TNKS: variants seen among roughly 807,000 people sequenced by gnomAD.
TNKS encodes poly [ADP-ribose] polymerase tankyrase-1.
Under a neutral mutation model 135.8 loss-of-function variants are expected in TNKS, and 72 were observed. The observed-to-expected ratio is 0.53, with a 90% CI of 0.44 to 0.64. The LOEUF (loss-of-function observed/expected upper bound fraction) is 0.64, where lower values mean the gene tolerates loss of function less well. Among genes scored for constraint, TNKS ranks in the 30% least tolerant of loss-of-function variants. TNKS has a pLI of 0.00. For missense variants in TNKS, 1,769 were observed against 1,674.0 expected (o/e 1.06, Z -0.99); for synonymous variants, 849 against 649.3 (o/e 1.31, Z -4.68).
chr8:9,650,060 T>C (rs571474200), intron 3 of TNKS, among the ~76,000 whole-genome samples: 1 of 151,704 alleles, frequency 6.6e-6, no homozygotes, highest in African/African-American at 2.4e-5. Context: ...GCCTGGCTAA[T>C]TTTGTATTTT....
chr8:9,637,961 A>G (rs1800574712), intron 3 of TNKS, among the ~76,000 whole-genome samples: 1 of 151,978 alleles, frequency 6.6e-6, no homozygotes, highest in South Asian at 2.1e-4. Context: ...TCTTTTTATT[A>G]TTATTATTTA....
intron 2 of TNKS, among the ~76,000 whole-genome samples, chr8:9,587,516 C>T (rs1046502207): frequency 6.6e-6 from 1 of 151,962 alleles, no homozygotes; most frequent in African/African-American, 2.4e-5. Context: ...TCTCCTGCCT[C>T]AGCCTCCTGA....
intron 2 of TNKS, among the ~76,000 whole-genome samples, chr8:9,583,881 G>A (rs1467006501): frequency 6.6e-6 from 1 of 151,800 alleles, no homozygotes; most frequent in Non-Finnish European, 1.5e-5. Context: ...AGATCTGGGA[G>A]TCGGAGGGTG....
chr8:9,673,045 A>G (rs759041533), intron 3 of TNKS, among the ~76,000 whole-genome samples: 7 of 152,204 alleles, frequency 4.6e-5, no homozygotes, highest in Non-Finnish European at 1.0e-4. Context: ...AATTTAAAGA[A>G]TGTATGTATT....
At chr8:9,768,945 T>G (rs367721411) in intron 25 of TNKS, among the ~76,000 whole-genome samples, 1 of 152,218 alleles carries the variant, frequency 6.6e-6, no homozygotes, top group Non-Finnish European at 1.5e-5. Flanking sequence ...AATCTCTGGT[T>G]ACTTATAACA....
At chr8:9,734,792 T>A in intron 15 of TNKS, 73 bp from the exon 16 acceptor site, 1 of 1,304,170 alleles carries the variant, frequency 7.7e-7, no homozygotes, top group Non-Finnish European at 1.1e-6. Context: ...GTAGAGTAAA[T>A]TAATTACCTA....
intron 3 of TNKS, among the ~76,000 whole-genome samples, chr8:9,633,823 A>T (rs73202861): frequency 6.6e-6 from 1 of 152,132 alleles, no homozygotes; most frequent in Non-Finnish European, 1.5e-5. Context: ...CCACATGAAG[A>T]TTCTTGGAAG....
intron 3 of TNKS, among the ~76,000 whole-genome samples, chr8:9,634,074 T>A (rs1800404294): frequency 8.7e-6 from 1 of 114,360 alleles, no homozygotes. Context: ...AAAACTCATT[T>A]AACTGCATAT....
chr8:9,629,348 C>T (rs1800193150), intron 3 of TNKS, among the ~76,000 whole-genome samples: 2 of 152,208 alleles, frequency 1.3e-5, no homozygotes, highest in Admixed American at 1.3e-4. Flanking sequence ...TGCTGTACGT[C>T]AGGCTTCCTT....
chr8:9,719,139 C>A (rs1012993164), intron 11 of TNKS, among the ~76,000 whole-genome samples: 2 of 152,096 alleles, frequency 1.3e-5, no homozygotes, highest in African/African-American at 2.4e-5. Context: ...TTTCTTCTGG[C>A]AAATGTGATA....
chr8:9,565,329 T>G (rs1186911713), intron 1 of TNKS, among the ~76,000 whole-genome samples: 2 of 152,140 alleles, frequency 1.3e-5, no homozygotes, highest in Non-Finnish European at 2.9e-5. Flanking sequence ...GATGTAAAAT[T>G]TTTTCTCTAT....
At chr8:9,771,198 TGAGGGAGGAAGA>T (rs1807813078) in intron 26 of TNKS, among the ~76,000 whole-genome samples, 1 of 79,470 alleles carries the variant, frequency 1.3e-5, no homozygotes, top group Non-Finnish European at 2.5e-5. Flanking sequence ...AGGAAGGAAG[TGAGGGAGGAAGA>T]GAGAGAGGAA....
intron 20 of TNKS, among the ~76,000 whole-genome samples, chr8:9,758,545 A>C (rs1457474591): frequency 1.3e-5 from 2 of 152,204 alleles, no homozygotes; most frequent in East Asian, 3.9e-4. Context: ...AAAATAACAA[A>C]CATGTATTAT....
At chr8:9,670,771 T>C (rs1458472052) in intron 3 of TNKS, 1 of 152,224 alleles carries the variant, frequency 6.6e-6, no homozygotes, top group Non-Finnish European at 1.5e-5. Context: ...ACTTCATGCA[T>C]ACAAAGCCTT....
chr8:9,661,045 C>G (rs539663165), intron 3 of TNKS, among the ~76,000 whole-genome samples: 1 of 151,458 alleles, frequency 6.6e-6, no homozygotes, highest in Admixed American at 6.6e-5. Flanking sequence ...AGGACCTCTT[C>G]AAGGAGAACT....
At chr8:9,633,616 G>C (rs1053494500) in intron 3 of TNKS, among the ~76,000 whole-genome samples, 1 of 152,200 alleles carries the variant, frequency 6.6e-6, no homozygotes, top group Non-Finnish European at 1.5e-5. Context: ...GCATATGGCA[G>C]AGCTGATGAT....
chr8:9,766,187 G>C, intron 24 of TNKS, 52 bp from the exon 25 acceptor site: 1 of 1,485,548 alleles, frequency 6.7e-7, no homozygotes, highest in Non-Finnish European at 9.2e-7. Flanking sequence ...GCAGGTAATT[G>C]AGCTTCTAGA....
chr8:9,762,726 C>T (rs1353066180), intron 21 of TNKS, among the ~76,000 whole-genome samples: 1 of 151,870 alleles, frequency 6.6e-6, no homozygotes, highest in Non-Finnish European at 1.5e-5. Context: ...CATGATGAAA[C>T]CCTGTCTCTA....
intron 5 of TNKS, among the ~76,000 whole-genome samples, chr8:9,704,235 C>A (rs996191462): frequency 1.3e-5 from 2 of 151,978 alleles, no homozygotes; most frequent in Non-Finnish European, 2.9e-5. Flanking sequence ...AGAGCTAGAT[C>A]TTTAGATAAA....
Sources: gnomAD v4.1 joint callset for allele counts (sites outside exome capture counted in the v4.1 genomes callset) on GRCh38, gnomAD v4.1.1 for gene constraint, MANE v1.5 for transcripts, NCBI Gene and HGNC (gene_info 2026-07-23, HGNC 2026-07-21) for gene names.